Variants in SGSH observed in about 807,000 individuals in gnomAD.
SGSH encodes N-sulfoglucosamine sulfohydrolase, also known as heparan sulfate sulfatase.
SGSH carries 48 observed loss-of-function variants against 51.0 expected under a neutral mutation model. The ratio of observed to expected loss-of-function variants is 0.94; its 90% CI spans 0.75 to 1.20. The LOEUF is 1.20. Among genes scored for constraint, SGSH ranks in the 50% most tolerant of loss-of-function variants. The pLI is 0.00. For synonymous variants in SGSH, 321 were observed against 313.4 expected (o/e 1.02, Z -0.26); for missense variants, 662 against 717.8 (o/e 0.92, Z 0.89).
chr17:80,219,250 A>G (rs1252496378), intron 1 of SGSH, among the ~76,000 whole-genome samples: 1 of 151,970 alleles, frequency 6.6e-6, no homozygotes, highest in Non-Finnish European at 1.5e-5. Context: ...TCATGTGAGG[A>G]AACAGTGAGA....
chr17:80,215,500 A>G (rs923057813), intron 2 of SGSH, among the ~76,000 whole-genome samples: 2 of 152,250 alleles, frequency 1.3e-5, no homozygotes, highest in Non-Finnish European at 2.9e-5. Context: ...GTTATTTTAT[A>G]TTGTAAAAGA....
chr17:80,205,262 CCCTTCCTCCCT>C (rs2041230904), downstream of SGSH: 7 of 1,443,922 alleles, frequency 4.8e-6, no homozygotes, highest in South Asian at 1.3e-5. Flanking sequence ...CTCCCTCCTC[CCCTTCCTCCCT>C]CCTTCCTCCC....
intron 5 of SGSH, 122 bp from the exon 6 acceptor site, chr17:80,214,007 G>A (rs758578322): frequency 1.5e-4 from 195 of 1,304,870 alleles, no homozygotes; most frequent in South Asian, 1.5e-3. Context: ...GGACCACCCC[G>A]TCTCTCTACG....
chr17:80,208,508 G>T, downstream of SGSH: 1 of 590,512 alleles, frequency 1.7e-6, no homozygotes, highest in Non-Finnish European at 2.9e-6. Flanking sequence ...CCACGTGCAG[G>T]TCACACACAG....
downstream of SGSH, chr17:80,202,591 T>G: frequency 7.0e-7 from 1 of 1,433,526 alleles, no homozygotes; most frequent in African/African-American, 1.4e-5. Flanking sequence ...TTCTTTGTGA[T>G]GGATGCTTTA....
chr17:80,211,401 T>C, intron 7 of SGSH: 1 of 325,158 alleles, frequency 3.1e-6, no homozygotes, highest in South Asian at 2.8e-5. Context: ...AAAGGGAACC[T>C]GAGTTTCCTG....
In SGSH at chr17:80,210,509, G is replaced by A. The variant is rs763360021; in HGVS notation, c.1452C>T (p.Asp484=). The A allele has an allele frequency of 3.7e-5, 60 of 1,608,156 alleles. No individual in the cohort carries two copies. The highest frequency in any genetic ancestry group is 1.2e-4 in the South Asian group (11 of 90,892). The change falls in exon 8 of 8, where the codon GAC becomes GAT. Residue 484 remains aspartate, a synonymous_variant. Coordinates refer to ENST00000326317, the MANE Select transcript of SGSH (RefSeq NM_000199.5). ...ETHDPWVCAP[D]GVLEEKLSPQ... is the part of the protein sequence containing the mutation. ...GAGAGAGCTTCTCCTCCAGGACGCC[G>A]TCGGGGGCGCACACCCAGGGGTCGT... is the stretch of plus-strand genomic sequence containing the variant.
intron 2 of SGSH, among the ~76,000 whole-genome samples, chr17:80,215,929 C>A (rs1296849722): frequency 1.3e-5 from 2 of 152,176 alleles, no homozygotes; most frequent in Admixed American, 6.5e-5. Context: ...AAATACGGGG[C>A]CCATCCATCC....
the SGSH span, chr17:80,201,441 TTTC>T: frequency 6.2e-6 from 2 of 324,602 alleles, no homozygotes; most frequent in African/African-American, 4.6e-5. The surrounding 1 kb of genome is among the most constrained non-coding windows in gnomAD (Gnocchi z 5.0). Flanking sequence ...ACCGAGGTTC[TTTC>T]TTTTCTTTTC....
chr17:80,204,308 G>A (rs776656556), downstream of SGSH: 5 of 1,594,094 alleles, frequency 3.1e-6, no homozygotes, highest in South Asian at 5.6e-5. Context: ...TTTGTCCTTT[G>A]ACAGGGGCCA....
intron 5 of SGSH, 121 bp from the exon 6 acceptor site, chr17:80,214,006 C>CGTCT: frequency 1.5e-6 from 2 of 1,304,470 alleles, no homozygotes; most frequent in Non-Finnish European, 2.1e-6. Flanking sequence ...CGGACCACCC[C>CGTCT]GTCTCTCTAC....
At chr17:80,205,487 C>A, downstream of SGSH, 1 of 1,566,212 alleles carries the variant, frequency 6.4e-7, no homozygotes, top group East Asian at 2.4e-5. Context: ...CCCCAGACCC[C>A]CACACAGCTG....
intron 2 of SGSH, 142 bp from the exon 3 acceptor site, chr17:80,215,280 C>T: frequency 1.4e-6 from 1 of 690,844 alleles, no homozygotes; most frequent in Non-Finnish European, 2.6e-6. Flanking sequence ...CCCAGAGACA[C>T]TGGCTGTACC....
In SGSH at chr17:80,212,020, G is replaced by A. The variant is rs371720391; in HGVS notation, c.949+51C>T. ...GCAGCATCTGACAGGTCATGGCCCC[G>A]TCCCAGATCCACTCCCACACCTTTC... On this transcript the variant is annotated intron_variant, in intron 7 of 7. Transcript: ENST00000326317. This position sits in a 1 kb window ranked among gnomAD's most constrained non-coding sequence, Gnocchi z 5.9. 146 of 1,501,364 alleles carry A rather than the reference G, an allele frequency of 9.7e-5. 1 individual carries two copies. Among genetic ancestry groups the A allele is most frequent in the South Asian group, 3.6e-4 (32 of 88,402 alleles). 93.0% of individuals were successfully genotyped at this position (1,501,364 alleles called of 1,614,324 possible).
chr17:80,204,581 G>A, downstream of SGSH: 1 of 428,624 alleles, frequency 2.3e-6, no homozygotes. Context: ...CCGAGATGGT[G>A]CCATTGCACT....
Position 80,210,106 on chromosome 17 carries a change from A to T in SGSH, c.*346T>A. The T allele has an allele frequency of 8.5e-7, 1 of 1,172,774 alleles. No individual in the cohort carries two copies. Among genetic ancestry groups the T allele is most frequent in the South Asian group, 2.4e-5 (1 of 41,102 alleles). The allele number at this position is 1,172,774 out of a possible 1,614,324, so 72.6% of individuals were successfully genotyped here. ...TTGCAGGTCCCCAAACCAAGCCAGA[A>T]AACAAGACTCCCTTGTCATGGGCTG... is the stretch of plus-strand genomic sequence containing the variant. On this transcript the variant is annotated 3_prime_UTR_variant, in exon 8 of 8. Transcript: ENST00000326317.
At chr17:80,204,046 G>T (rs1192087076), downstream of SGSH, 6 of 800,658 alleles carry the variant, frequency 7.5e-6, no homozygotes, top group Non-Finnish European at 1.2e-5. Context: ...GGCAGGGTCT[G>T]CAGCCCCTGC....
chr17:80,210,609 A>G lies in SGSH; in HGVS notation c.1352T>C (p.Leu451Pro). The G allele has an allele frequency of 6.2e-7, 1 of 1,613,588 alleles. No homozygotes were observed. Among genetic ancestry groups the G allele is most frequent in the South Asian group, 1.1e-5 (1 of 91,062 alleles). Reference protein sequence around the residue: ...RSRDPHETQNLATDPRFAQLL... With the variant: ...RSRDPHETQNPATDPRFAQLL... ...CTGAGCAAAGCGCGGGTCGGTGGCC[A>G]GGTTCTGGGTCTCGTGGGGGTCCCG... Residue 451 changes from leucine to proline, a missense_variant, in exon 8 of 8, where the codon CTG becomes CCG. Leu to Pro is a moderately conservative substitution (Grantham distance 98, BLOSUM62 -3). Transcript: ENST00000326317.
At chr17:80,203,812 G>A, downstream of SGSH, 1 of 1,565,322 alleles carries the variant, frequency 6.4e-7, no homozygotes, top group Non-Finnish European at 8.7e-7. This position sits in a 1 kb window ranked among gnomAD's most constrained non-coding sequence, Gnocchi z 4.6. Flanking sequence ...GCCTCTGCTG[G>A]TCTCTGCAGG....
Sources: allele counts gnomAD v4.1 joint callset (sites outside exome capture counted in the v4.1 genomes callset), GRCh38; gene constraint gnomAD v4.1.1; non-coding constraint Gnocchi (gnomAD v3.1); transcripts MANE v1.5; gene names NCBI Gene and HGNC (gene_info 2026-07-23, HGNC 2026-07-21).